Variants in ZNF721 observed in about 807,000 individuals in gnomAD.
The protein encoded by ZNF721 is zinc finger protein 721.
Under a neutral mutation model 2.4 loss-of-function variants are expected in ZNF721, and 2 were observed. The ratio of observed to expected loss-of-function variants is 0.82; its 90% CI spans 0.34 to 2.58. ZNF721 has a LOEUF of 2.58. Among genes scored for constraint, ZNF721 ranks in the 30% most tolerant of loss-of-function variants. The pLI, the probability that ZNF721 is intolerant of heterozygous loss-of-function variation, is 0.11. For synonymous variants in ZNF721, 398 were observed against 381.8 expected (o/e 1.04, Z -0.50); for missense variants, 1,187 against 1,085.5 (o/e 1.09, Z -1.31).
chr4:452,148 G>GA (rs1553864921), intron 2 of ZNF721, among the ~76,000 whole-genome samples: 1 of 152,226 alleles, frequency 6.6e-6, no homozygotes, highest in Non-Finnish European at 1.5e-5. Flanking sequence ...TGACCAGGCT[G>GA]AAAGCTATCA....
chr4:468,394 C>T (rs1049174772), intron 2 of ZNF721, among the ~76,000 whole-genome samples: 1 of 151,656 alleles, frequency 6.6e-6, no homozygotes, highest in Admixed American at 6.6e-5. Flanking sequence ...CATGGCACTA[C>T]ACTCCAGCCT....
chr4:497,602 G>A (rs1553872562), intron 1 of ZNF721, among the ~76,000 whole-genome samples: 18 of 151,962 alleles, frequency 1.2e-4, no homozygotes, highest in Non-Finnish European at 7.4e-5. Context: ...TATAATAACA[G>A]GCCGGACAGG....
At chr4:448,417 C>A (rs1714546117) in intron 2 of ZNF721, among the ~76,000 whole-genome samples, 1 of 143,608 alleles carries the variant, frequency 7.0e-6, no homozygotes. Flanking sequence ...GCCTGGGTGA[C>A]AGAGCAGGAA....
chr4:454,197 C>T (rs782012375), intron 2 of ZNF721: 1 of 152,260 alleles, frequency 6.6e-6, no homozygotes, highest in Non-Finnish European at 1.5e-5. Flanking sequence ...GGTGGTGATA[C>T]CTGCCCCTAC....
At chr4:497,081 A>T (rs1716172961) in intron 1 of ZNF721, among the ~76,000 whole-genome samples, 1 of 151,962 alleles carries the variant, frequency 6.6e-6, no homozygotes, top group Non-Finnish European at 1.5e-5. Flanking sequence ...ATCTTTAGTC[A>T]TTTAAAAAGA....
intron 2 of ZNF721, among the ~76,000 whole-genome samples, chr4:464,326 T>C (rs904682122): frequency 1.3e-5 from 2 of 151,906 alleles, no homozygotes; most frequent in Non-Finnish European, 2.9e-5. Flanking sequence ...AAAAATTGGC[T>C]GGACATGGTG....
At chr4:478,716 C>T (rs550385723) in intron 1 of ZNF721, among the ~76,000 whole-genome samples, 31 of 151,668 alleles carry the variant, frequency 2.0e-4, no homozygotes, top group African/African-American at 6.3e-4. Flanking sequence ...GTTCCTGCTA[C>T]GCATACATAA....
chr4:457,397 C>T (rs1553865526), intron 2 of ZNF721, among the ~76,000 whole-genome samples: 4 of 152,154 alleles, frequency 2.6e-5, no homozygotes, highest in African/African-American at 9.7e-5. Context: ...AAGACATGCC[C>T]TTGCTTGAGT....
At chr4:497,986 C>T (rs1470311027) in intron 1 of ZNF721, among the ~76,000 whole-genome samples, 1 of 151,486 alleles carries the variant, frequency 6.6e-6, no homozygotes, top group Non-Finnish European at 1.5e-5. Flanking sequence ...GCGGGCGGAT[C>T]ACGAGGTCAG....
chr4:445,129 C>T (rs1415931665), intron 2 of ZNF721, among the ~76,000 whole-genome samples: 6 of 151,816 alleles, frequency 4.0e-5, no homozygotes, highest in African/African-American at 1.5e-4. Flanking sequence ...GGACTACAGG[C>T]ACCTACCACC....
rs782690096 is a variant in ZNF721 at position 442,346 on chromosome 4, A to G, written c.2121T>C (p.Ser707=). ...TATGTGTAGTAAGGTTTCTTGACCT[A>G]CTAAAGGCTTTGCCACACTCTTCAC... ...YKCEECGKAF[S]RSRNLTTHRR... The change falls in exon 3 of 3, where the codon AGT becomes AGC. Residue 707 remains serine (S), a synonymous_variant. Coordinates refer to ENST00000511833, the MANE Select transcript of ZNF721 (RefSeq NM_133474.4). The G allele has an allele frequency of 6.2e-6, 10 of 1,613,150 alleles. 2 individuals are homozygous for G. The South Asian group carries it at 1.1e-4, about 18-fold the overall frequency.
At position 442,643 on chromosome 4, in the gene ZNF721, A is replaced by G. The variant is rs782723203; in HGVS notation, c.1824T>C (p.Thr608=). 1 of 1,613,966 alleles carries G rather than the reference A, an allele frequency of 6.2e-7. No individual in the cohort carries two copies. The part of the protein sequence containing the change: ...TDLNQHKKIH[T]GEKLYKCEEC... ...CTTCACATTTGTAAAGTTTCTCTCC[A>G]GTATGAATTTTCTTGTGTTGATTCA... The change falls in exon 3 of 3, where the codon ACT becomes ACC. Residue 608 remains threonine (T), a synonymous_variant. Coordinates refer to ENST00000511833, the MANE Select transcript of ZNF721 (RefSeq NM_133474.4).
intron 2 of ZNF721, among the ~76,000 whole-genome samples, chr4:466,589 G>A (rs539249731): frequency 9.2e-5 from 14 of 152,170 alleles, no homozygotes; most frequent in Non-Finnish European, 1.6e-4. Flanking sequence ...TCTGAATGAG[G>A]GATTTTTTTC....
chr4:443,420 G>A lies in ZNF721; in HGVS notation c.1047C>T (p.Tyr349=), dbSNP rs537341982. ...CTCCAGTATGAATTCTCCTATGTAC[G>A]TAAAGGTTTGCGGACTGTCTAAAGG... ...GKTFRQSANL[Y]VHRRIHTGEK... The change falls in exon 3 of 3, where the codon TAC becomes TAT. Residue 349 remains tyrosine (Y), a synonymous_variant. Coordinates refer to ENST00000511833, the MANE Select transcript of ZNF721 (RefSeq NM_133474.4). 3.1e-5 allele frequency: 50 copies of A among 1,608,246 alleles called. No homozygotes were observed. In the East Asian group the frequency reaches 4.0e-4, roughly 13 times the overall value.
chr4:487,268 T>G (rs1304071978), intron 1 of ZNF721, among the ~76,000 whole-genome samples: 1 of 152,222 alleles, frequency 6.6e-6, no homozygotes, highest in Non-Finnish European at 1.5e-5. Flanking sequence ...AGGTTTAAAG[T>G]TCCTAAATGC....
chr4:472,131 C>G (rs144030877), intron 2 of ZNF721, among the ~76,000 whole-genome samples: 5 of 152,218 alleles, frequency 3.3e-5, no homozygotes, highest in African/African-American at 4.8e-5. Flanking sequence ...GGCGCAATCT[C>G]GGCTCACTGC....
At chr4:485,241 T>C (rs1490585286) in intron 1 of ZNF721, among the ~76,000 whole-genome samples, 2 of 152,062 alleles carry the variant, frequency 1.3e-5, no homozygotes, top group Admixed American at 6.6e-5. Context: ...TATTCCAAGG[T>C]ATTTATTCTT....
rs781925135 is a variant in ZNF721, at chr4:441,650, T to C, written c.*45A>G. ...CATTCCCCTGGTATGAGTTCTCTTA[T>C]GTTTAAGAATGCTGTAGTATGACTT... is the stretch of plus-strand genomic sequence containing the variant. On this transcript the variant is annotated 3_prime_UTR_variant, in exon 3 of 3. Coordinates refer to ENST00000511833, the MANE Select transcript of ZNF721 (RefSeq NM_133474.4). 3 of 1,482,170 alleles carry C rather than the reference T, an allele frequency of 2.0e-6. No homozygotes were observed. The highest frequency in any genetic ancestry group is 1.4e-5 in the African/African-American group (1 of 71,188). 91.8% of individuals were successfully genotyped at this position (1,482,170 alleles called of 1,614,324 possible).
chr4:486,908 C>A (rs746094848), intron 1 of ZNF721, among the ~76,000 whole-genome samples: 17 of 152,100 alleles, frequency 1.1e-4, no homozygotes, highest in African/African-American at 3.9e-4. Context: ...GATGGGATGA[C>A]ATTCTCAAAA....
Sources: gnomAD v4.1 joint callset for allele counts (sites outside exome capture counted in the v4.1 genomes callset) on GRCh38, gnomAD v4.1.1 for gene constraint, MANE v1.5 for transcripts, NCBI Gene and HGNC (gene_info 2026-07-23, HGNC 2026-07-21) for gene names.